Variants in SNX10 observed in about 807,000 individuals in gnomAD.
SNX10 encodes the protein sorting nexin-10.
Under a neutral mutation model 28.5 loss-of-function variants are expected in SNX10, and 25 were observed. The observed-to-expected ratio is 0.88, with a 90% CI of 0.64 to 1.22. SNX10 has a LOEUF of 1.22. SNX10 is among the 50% of genes most tolerant of loss of function. SNX10 has a pLI of 0.00. For missense variants in SNX10, 223 were observed against 242.6 expected (o/e 0.92, Z 0.54); for synonymous variants, 62 against 81.4 (o/e 0.76, Z 1.28).
intron 2 of SNX10, among the ~76,000 whole-genome samples, chr7:26,347,050 G>A (rs910906760): frequency 8.5e-5 from 13 of 152,202 alleles, no homozygotes; most frequent in Non-Finnish European, 1.8e-4. Context: ...GTGGTGCAGT[G>A]CACATCATCA....
intron 1 of SNX10, among the ~76,000 whole-genome samples, chr7:26,327,917 A>G (rs1402484097): frequency 6.6e-6 from 1 of 151,436 alleles, no homozygotes; most frequent in Non-Finnish European, 1.5e-5. Flanking sequence ...TATTTTTAGT[A>G]GAGGCAGGGT....
intron 1 of SNX10, among the ~76,000 whole-genome samples, chr7:26,334,712 A>G (rs1787857907): frequency 6.6e-6 from 1 of 152,292 alleles, no homozygotes; most frequent in Admixed American, 6.5e-5. Context: ...TTAGATTGCT[A>G]TAAACTTTAA....
intron 5 of SNX10, among the ~76,000 whole-genome samples, chr7:26,369,884 G>A (rs1345856145): frequency 6.6e-6 from 1 of 152,204 alleles, no homozygotes; most frequent in Non-Finnish European, 1.5e-5. Flanking sequence ...CATGTGTTAA[G>A]TTACTAGCAA....
At chr7:26,316,615 T>C (rs1454432481) in intron 1 of SNX10, among the ~76,000 whole-genome samples, 2 of 152,236 alleles carry the variant, frequency 1.3e-5, no homozygotes, top group African/African-American at 4.8e-5. Flanking sequence ...AGGTGTTTTA[T>C]ACATATTAAC....
chr7:26,303,155 T>G (rs957761139), intron 1 of SNX10, among the ~76,000 whole-genome samples: 1 of 152,222 alleles, frequency 6.6e-6, no homozygotes, highest in Non-Finnish European at 1.5e-5. Flanking sequence ...GGCTTTGTCA[T>G]GATTCTTTCA....
intron 1 of SNX10, among the ~76,000 whole-genome samples, chr7:26,331,460 C>T (rs918443674): frequency 1.3e-5 from 2 of 152,060 alleles, no homozygotes; most frequent in Non-Finnish European, 1.5e-5. Context: ...GTGGCCCATG[C>T]CTGTAGCCCC....
intron 1 of SNX10, among the ~76,000 whole-genome samples, chr7:26,329,960 G>A (rs1363461764): frequency 6.6e-6 from 1 of 152,140 alleles, no homozygotes; most frequent in Non-Finnish European, 1.5e-5. Context: ...CAGGGAGATG[G>A]GAAGGGTGGG....
At chr7:26,352,447 C>T (rs1011412848) in intron 2 of SNX10, among the ~76,000 whole-genome samples, 2 of 152,104 alleles carry the variant, frequency 1.3e-5, no homozygotes, top group Non-Finnish European at 1.5e-5. Context: ...CAAAAAAATA[C>T]GCAAGGTAGA....
chr7:26,320,086 A>T (rs1787253490), intron 1 of SNX10, among the ~76,000 whole-genome samples: 3 of 151,738 alleles, frequency 2.0e-5, no homozygotes, highest in Non-Finnish European at 4.4e-5. Flanking sequence ...GGTTCAAGCG[A>T]TTCTTCTGCC....
chr7:26,335,092 A>G (rs1584132344), intron 1 of SNX10, among the ~76,000 whole-genome samples: 1 of 152,204 alleles, frequency 6.6e-6, no homozygotes, highest in Non-Finnish European at 1.5e-5. Flanking sequence ...CACTGTGCAC[A>G]GGGAACCTCA....
chr7:26,327,507 A>G (rs1288686160), intron 1 of SNX10, among the ~76,000 whole-genome samples: 2 of 152,198 alleles, frequency 1.3e-5, no homozygotes, highest in African/African-American at 4.8e-5. Context: ...AGCACTTGAC[A>G]GCTGGTAGAT....
intron 1 of SNX10, among the ~76,000 whole-genome samples, chr7:26,303,808 A>G (rs1289631909): frequency 6.6e-6 from 1 of 152,172 alleles, no homozygotes; most frequent in East Asian, 1.9e-4. Flanking sequence ...TTCCTGGGTG[A>G]TCCAGAGGCT....
At chr7:26,332,861 G>C (rs899751016) in intron 1 of SNX10, among the ~76,000 whole-genome samples, 2 of 152,162 alleles carry the variant, frequency 1.3e-5, no homozygotes, top group Non-Finnish European at 2.9e-5. Context: ...CGGTGCCCTT[G>C]TTGGGGAAAT....
chr7:26,338,003 G>T (rs999848131), intron 1 of SNX10, among the ~76,000 whole-genome samples: 4 of 151,978 alleles, frequency 2.6e-5, no homozygotes, highest in Admixed American at 2.6e-4. Flanking sequence ...ATCCTAACGG[G>T]TGTGAGTTAA....
At chr7:26,307,077 G>A (rs537826341) in intron 1 of SNX10, among the ~76,000 whole-genome samples, 1 of 152,312 alleles carries the variant, frequency 6.6e-6, no homozygotes, top group East Asian at 1.9e-4. Context: ...CTTCATGACA[G>A]AGGCACCGTG....
At chr7:26,312,942 G>C (rs1786908892) in intron 1 of SNX10, among the ~76,000 whole-genome samples, 1 of 152,192 alleles carries the variant, frequency 6.6e-6, no homozygotes, top group Non-Finnish European at 1.5e-5. Context: ...TGTTAGGGAA[G>C]ATACAGGAAA....
chr7:26,318,129 G>A (rs2068600948), intron 1 of SNX10, among the ~76,000 whole-genome samples: 1 of 152,166 alleles, frequency 6.6e-6, no homozygotes. Context: ...AGATCACATC[G>A]CCTACATTTC....
intron 1 of SNX10, among the ~76,000 whole-genome samples, chr7:26,344,033 G>GTGAAGGA (rs1286321965): frequency 1.3e-5 from 2 of 152,098 alleles, no homozygotes; most frequent in Non-Finnish European, 2.9e-5. Context: ...GTTCAGTGGT[G>GTGAAGGA]TGAAGGATGT....
chr7:26,304,016 T>C (rs1786476219), intron 1 of SNX10, among the ~76,000 whole-genome samples: 1 of 152,214 alleles, frequency 6.6e-6, no homozygotes, highest in African/African-American at 2.4e-5. Flanking sequence ...CTCCCCAGTT[T>C]TGTAAGGGCC....
Sources: gnomAD v4.1 joint callset for allele counts (sites outside exome capture counted in the v4.1 genomes callset) on GRCh38, gnomAD v4.1.1 for gene constraint, MANE v1.5 for transcripts, NCBI Gene and HGNC (gene_info 2026-07-23, HGNC 2026-07-21) for gene names.